Variants in WLS observed in about 807,000 individuals in gnomAD.
WLS encodes the protein protein wntless homolog.
WLS carries 23 observed loss-of-function variants against 62.8 expected under a neutral mutation model. The ratio of observed to expected loss-of-function variants is 0.37; its 90% CI spans 0.26 to 0.52. The LOEUF (loss-of-function observed/expected upper bound fraction) is 0.52, where lower values mean the gene tolerates loss of function less well. Among genes scored for constraint, WLS ranks in the 20% least tolerant of loss-of-function variants. The probability of loss-of-function intolerance (pLI) is 0.92; values close to 1 mark genes in which losing one functional copy is unlikely to be tolerated. For missense variants in WLS, 615 were observed against 697.3 expected, an observed-to-expected ratio of 0.88 and a Z score of 1.33; for synonymous variants, 246 against 244.1, an observed-to-expected ratio of 1.01 and a Z score of -0.07.
intron 10 of WLS, among the ~76,000 whole-genome samples, chr1:68,139,010 A>G (rs910920344): frequency 1.2e-4 from 18 of 152,172 alleles, no homozygotes; most frequent in Non-Finnish European, 1.3e-4. Context: ...TCCATAACCC[A>G]CTTGGGGCCC....
intron 2 of WLS, among the ~76,000 whole-genome samples, chr1:68,170,101 C>T (rs1013115999): frequency 1.3e-5 from 2 of 151,510 alleles, no homozygotes; most frequent in South Asian, 4.2e-4. Context: ...TAATGGGTGC[C>T]AAGCACTCAG....
At chr1:68,144,004 A>G (rs187291542) in intron 10 of WLS, among the ~76,000 whole-genome samples, 3 of 152,322 alleles carry the variant, frequency 2.0e-5, no homozygotes, top group Admixed American at 2.0e-4. Flanking sequence ...GCTCAAATGA[A>G]TAATAGATAC....
At position 68,139,762 on chromosome 1, in the gene WLS, A is replaced by C. The variant is rs181827578; in HGVS notation, c.1363-1829T>G. Among the ~76,000 whole-genome samples the C allele has an allele frequency of 4.6e-3, 703 of 152,380 alleles. 5 individuals are homozygous for C. Among genetic ancestry groups the C allele is most frequent in the African/African-American group, 0.016 (663 of 41,596 alleles). ...GTGGTGCTCGATAGACATATGTTGAATGAACAGAGGTAAAGTACAGGTATG... is the reference window on the plus strand; with the variant it reads ...GTGGTGCTCGATAGACATATGTTGACTGAACAGAGGTAAAGTACAGGTATG... On this transcript the variant is annotated intron_variant, in intron 10 of 11. Coordinates refer to ENST00000262348, the MANE Select transcript of WLS (RefSeq NM_024911.7).
intron 11 of WLS, among the ~76,000 whole-genome samples, chr1:68,112,666 C>T (rs1306381246): frequency 6.6e-6 from 1 of 152,190 alleles, no homozygotes; most frequent in Admixed American, 6.5e-5. Context: ...CTCTCAATTG[C>T]CCCCAATCAG....
At chr1:68,131,065 T>TGTGTGTGTGG (rs1257112771) in intron 11 of WLS, among the ~76,000 whole-genome samples, 2 of 32,778 alleles carry the variant, frequency 6.1e-5, no homozygotes, top group Non-Finnish European at 1.2e-4. Context: ...GCTAATTTTG[T>TGTGTGTGTGG]GTGTGTGTGT....
At chr1:68,219,488 C>A (rs1054267240) in intron 1 of WLS, among the ~76,000 whole-genome samples, 1 of 152,160 alleles carries the variant, frequency 6.6e-6, no homozygotes, top group East Asian at 1.9e-4. Flanking sequence ...AAAAACCCTC[C>A]TCCCATTTAA....
intron 11 of WLS, chr1:68,117,473 G>T: frequency 6.6e-6 from 1 of 152,456 alleles, no homozygotes; most frequent in Non-Finnish European, 1.5e-5. Flanking sequence ...GTCCCTGTTT[G>T]TCATCCAGTC....
At chr1:68,219,243 T>TACA (rs1161829117) in intron 1 of WLS, among the ~76,000 whole-genome samples, 4 of 152,292 alleles carry the variant, frequency 2.6e-5, no homozygotes, top group Non-Finnish European at 5.9e-5. Context: ...GGGACCAAAA[T>TACA]ATATAACCCA....
rs181611818 is a variant in WLS at position 68,216,152 on chromosome 1, C to A, written c.106+16042G>T. ...ACAGTGATTTCTATCACAAGTAGTT[C>A]ATATTTTTTAAAACTACTCTTTTTT... is the stretch of plus-strand genomic sequence containing the variant. On this transcript the variant is annotated intron_variant, in intron 1 of 11. Coordinates refer to ENST00000262348, the MANE Select transcript of WLS (RefSeq NM_024911.7). Among the ~76,000 whole-genome samples, 550 of 152,258 alleles carry A rather than the reference C, an allele frequency of 3.6e-3. 5 individuals carry two copies. The highest frequency in any genetic ancestry group is 6.1e-3 in the Non-Finnish European group (413 of 68,012).
chr1:68,218,277 T>G (rs981429007), intron 1 of WLS, among the ~76,000 whole-genome samples: 1 of 152,162 alleles, frequency 6.6e-6, no homozygotes, highest in East Asian at 1.9e-4. Flanking sequence ...TACTTTAACA[T>G]CATTTTATTC....
chr1:68,170,885 C>T (rs2100540126), intron 2 of WLS, among the ~76,000 whole-genome samples: 1 of 152,286 alleles, frequency 6.6e-6, no homozygotes, highest in South Asian at 2.1e-4. Flanking sequence ...AGTTATATCA[C>T]TCATGTCTTT....
chr1:68,110,177 A>G (rs902294281), intron 11 of WLS, among the ~76,000 whole-genome samples: 4 of 151,896 alleles, frequency 2.6e-5, no homozygotes, highest in Admixed American at 6.6e-5. Flanking sequence ...ACAAAGGAAT[A>G]TATCTACAGA....
At chr1:68,128,585 G>A (rs943175329) in intron 11 of WLS, among the ~76,000 whole-genome samples, 1 of 152,172 alleles carries the variant, frequency 6.6e-6, no homozygotes, top group Admixed American at 6.5e-5. Context: ...TTGAACCAAA[G>A]ATGTTAATTC....
intron 2 of WLS, among the ~76,000 whole-genome samples, chr1:68,190,140 C>T (rs560023123): frequency 5.3e-5 from 8 of 152,202 alleles, no homozygotes; most frequent in African/African-American, 7.2e-5. Flanking sequence ...TGGCTAAGAG[C>T]GGTTCTGTAA....
chr1:68,115,899 C>T (rs1646285903), intron 11 of WLS, among the ~76,000 whole-genome samples: 1 of 152,112 alleles, frequency 6.6e-6, no homozygotes, highest in Admixed American at 6.6e-5. Context: ...TTCCACTAGT[C>T]TTCCACCCTC....
chr1:68,102,912 G>A (rs774789338), intron 11 of WLS, among the ~76,000 whole-genome samples: 22 of 152,106 alleles, frequency 1.4e-4, no homozygotes, highest in Non-Finnish European at 2.5e-4. Flanking sequence ...CCTTGCCTTC[G>A]ATTGTTTTGT....
rs747950708 is a variant in WLS at position 68,194,064 on chromosome 1, G to C, written c.270C>G (p.Ile90Met). 1.2e-6 allele frequency: 2 copies of C among 1,613,988 alleles called. No homozygotes were observed. The highest frequency in any genetic ancestry group is 1.3e-5 in the African/African-American group (1 of 74,894). Residue 90 changes from isoleucine to methionine, a missense_variant, in exon 2 of 12, where the codon ATC becomes ATG. By Grantham distance (10) the Ile-to-Met change is conservative. Transcript: ENST00000262348. ...GGAGGGGAATGTGAACAGAAAACAC[G>C]ATGTCATTGGCTTCAATTTCCCTTG... ...AIPREIEANDIVFSVHIPLPH... is the reference protein window; with the variant it reads ...AIPREIEANDMVFSVHIPLPH...
chr1:68,189,969 A>AC (rs1648195575), intron 2 of WLS, among the ~76,000 whole-genome samples: 2 of 152,358 alleles, frequency 1.3e-5, no homozygotes, highest in East Asian at 3.9e-4. Flanking sequence ...AGATCATGCC[A>AC]CCGTACTCCA....
chr1:68,121,580 A>G (rs1353991368), downstream of WLS, among the ~76,000 whole-genome samples: 1 of 152,186 alleles, frequency 6.6e-6, no homozygotes, highest in Non-Finnish European at 1.5e-5. Flanking sequence ...GTATCAAAAC[A>G]TGATGGAGAG....
Sources: allele counts gnomAD v4.1 joint callset (sites outside exome capture counted in the v4.1 genomes callset), GRCh38; gene constraint gnomAD v4.1.1; transcripts MANE v1.5; gene names NCBI Gene and HGNC (gene_info 2026-07-23, HGNC 2026-07-21).